MLLT1: variants seen among roughly 807,000 people sequenced by gnomAD.
MLLT1 encodes the protein MLLT1 super elongation complex subunit, also known as protein ENL.
A neutral mutation model predicts 55.1 loss-of-function variants in MLLT1; 11 were observed. The observed-to-expected ratio is 0.20, with a 90% confidence interval of 0.13 to 0.33. MLLT1 has a LOEUF of 0.33. Among genes scored for constraint, MLLT1 ranks in the 10% least tolerant of loss-of-function variants. The pLI, the probability that MLLT1 is intolerant of heterozygous loss-of-function variation, is 1.00. For missense variants in MLLT1, 536 were observed against 760.6 expected (o/e 0.70, Z 3.47); for synonymous variants, 323 against 320.1 (o/e 1.01, Z -0.10).
chr19:6,252,341 AG>A (rs2091223210), intron 3 of MLLT1, among the ~76,000 whole-genome samples: 2 of 152,308 alleles, frequency 1.3e-5, no homozygotes, highest in South Asian at 4.1e-4. Context: ...TCCAGCTTGC[AG>A]GTGGCCTGTC....
chr19:6,218,165 T>TACCCTTGGGA, intron 6 of MLLT1, 124 bp from the exon 7 acceptor site: 1 of 1,388,486 alleles, frequency 7.2e-7, no homozygotes, highest in Non-Finnish European at 9.5e-7. Context: ...ACCCCTAGGG[T>TACCCTTGGGA]CCCAAGGGTA....
rs554857208 is a variant in MLLT1, at chr19:6,228,154, TCCCTGA to T, written c.421-1058_421-1053del. Among the ~76,000 whole-genome samples the T allele has an allele frequency of 3.9e-5, 6 of 152,092 alleles. No homozygotes were observed. In the South Asian group the frequency reaches 1.2e-3, roughly 32 times the overall value. On this transcript the variant is annotated intron_variant, in intron 4 of 11. Coordinates refer to ENST00000252674, the MANE Select transcript of MLLT1 (RefSeq NM_005934.4). ...ACTGACAGCATGTGTGCCCCAGCCG[TCCCTGA>T]AAACACGCCACGGGAGGCCCTCCAC... is the stretch of plus-strand genomic sequence containing the variant.
At chr19:6,277,202 C>G (rs1429786841) in intron 1 of MLLT1, among the ~76,000 whole-genome samples, 1 of 152,230 alleles carries the variant, frequency 6.6e-6, no homozygotes, top group East Asian at 1.9e-4. Context: ...GCCTCCGGCT[C>G]TGTGAGGAAG....
chr19:6,212,952 CG>C lies in MLLT1; in HGVS notation c.*89del, dbSNP rs2090795245. On this transcript the variant is annotated 3_prime_UTR_variant, in exon 12 of 12. Coordinates refer to ENST00000252674, the MANE Select transcript of MLLT1 (RefSeq NM_005934.4). The stretch of plus-strand genomic sequence containing the variant: ...CAGGGCTGTCGCTAAGGCAGTGCTG[CG>C]GGCAGGCGAGACGGGAGAGGAGGGC... The C allele has an allele frequency of 1.3e-6, 2 of 1,506,376 alleles. No individual in the cohort carries two copies. Among genetic ancestry groups the C allele is most frequent in the Admixed American group, 1.8e-5 (1 of 54,180 alleles). 93.3% of individuals were successfully genotyped at this position (1,506,376 alleles called of 1,614,324 possible).
In MLLT1 at chr19:6,235,737, G is replaced by T. The variant is rs1432145821; in HGVS notation, c.277-5024C>A. ...CCACCACAGCCCCCTTTCAGGCACGGTATCTCCATGGGCTCAGGGCTCACC... is the reference window on the plus strand; with the variant it reads ...CCACCACAGCCCCCTTTCAGGCACGTTATCTCCATGGGCTCAGGGCTCACC... On this transcript the variant is annotated intron_variant, in intron 3 of 11. Coordinates refer to ENST00000252674, the MANE Select transcript of MLLT1 (RefSeq NM_005934.4). The surrounding 1 kb of genome is among the most constrained non-coding windows in gnomAD (Gnocchi z 5.5). Among the ~76,000 whole-genome samples the T allele has an allele frequency of 1.3e-5, 2 of 152,134 alleles. No individual in the cohort carries two copies. Among genetic ancestry groups the T allele is most frequent in the Admixed American group, 6.5e-5 (1 of 15,280 alleles).
At position 6,230,582 on chromosome 19, in the gene MLLT1, C is replaced by G. The variant is rs201361639; in HGVS notation, c.408G>C (p.Leu136=). The change falls in exon 4 of 12, where the codon CTG becomes CTC. Residue 136 remains leucine, a synonymous_variant. Coordinates refer to ENST00000252674, the MANE Select transcript of MLLT1 (RefSeq NM_005934.4). This position sits in a 1 kb window ranked among gnomAD's most constrained non-coding sequence, Gnocchi z 9.0. ...GGGGCACACTCACCCCGCCGGCCCGCAGGAGCTTGTACCGGAACTCCGTGG... is the reference window on the plus strand; with the variant it reads ...GGGGCACACTCACCCCGCCGGCCCGGAGGAGCTTGTACCGGAACTCCGTGG... ...NPTTEFRYKL[L]RAGGVMVMPE... The G allele has an allele frequency of 1.2e-6, 2 of 1,613,428 alleles. No individual in the cohort carries two copies. The highest frequency in any genetic ancestry group is 4.5e-5 in the East Asian group (2 of 44,878).
intron 3 of MLLT1, among the ~76,000 whole-genome samples, chr19:6,258,108 G>T (rs561499279): frequency 6.6e-6 from 1 of 152,150 alleles, no homozygotes. Context: ...GAAAATTATT[G>T]TATGAGCCTG....
Position 6,240,186 on chromosome 19 carries a change from C to T in MLLT1, c.277-9473G>A, listed in dbSNP as rs549615302. On this transcript the variant is annotated intron_variant, in intron 3 of 11. Coordinates refer to ENST00000252674, the MANE Select transcript of MLLT1 (RefSeq NM_005934.4). This position sits in a 1 kb window ranked among gnomAD's most constrained non-coding sequence, Gnocchi z 4.7. ...CCAGGCCCCTTCACGCCTGCCTGACCGCTCAGCCTGGGAGGCCAGGGAGAC... is the reference window on the plus strand; with the variant it reads ...CCAGGCCCCTTCACGCCTGCCTGACTGCTCAGCCTGGGAGGCCAGGGAGAC... 6.6e-6 allele frequency among the ~76,000 whole-genome samples: 1 copy of T among 152,226 alleles called. No homozygotes were observed. Among genetic ancestry groups the T allele is most frequent in the South Asian group, 2.1e-4 (1 of 4,832 alleles).
chr19:6,242,955 C>G (rs972628428), intron 3 of MLLT1, among the ~76,000 whole-genome samples: 2 of 152,202 alleles, frequency 1.3e-5, no homozygotes, highest in African/African-American at 4.8e-5. Context: ...GCCAGAAACG[C>G]AGGACTACTT....
At chr19:6,265,040 AAAAAAAAAC>A (rs1568296244) in intron 2 of MLLT1, among the ~76,000 whole-genome samples, 1 of 43,096 alleles carries the variant, frequency 2.3e-5, no homozygotes, top group Non-Finnish European at 6.6e-5. Context: ...GTGAACAGCA[AAAAAAAAAC>A]AAAAAAACAA....
In MLLT1 at chr19:6,234,316, C is replaced by T. The variant is rs534607662; in HGVS notation, c.277-3603G>A. ...GCCCCTGCGGAGGGGGAGCCCTGTC[C>T]GGAGGTGGAGGAGGGTTTTCAGCTC... On this transcript the variant is annotated intron_variant, in intron 3 of 11. Transcript: ENST00000252674. 7.9e-5 allele frequency among the ~76,000 whole-genome samples: 12 copies of T among 152,298 alleles called. No individual in the cohort carries two copies. In the South Asian group the frequency reaches 2.1e-3, roughly 26 times the overall value.
rs1023470019 is a variant in MLLT1, at chr19:6,212,085, C to T, written c.*957G>A. The T allele has an allele frequency of 7.5e-6, 8 of 1,066,208 alleles. No individual in the cohort carries two copies. The African/African-American group carries it at 1.3e-4, about 17-fold the overall frequency. The allele number at this position is 1,066,208 out of a possible 1,614,324, so 66.0% of individuals were successfully genotyped here. A position where few individuals can be genotyped will look rare whatever the true frequency, so the allele number is the denominator to read the frequency against. ...TCATATTTTTTTCAAAGTTTGAAGACTTGAATGAAAGAGAGGAAGAGGAGC... is the reference window on the plus strand; with the variant it reads ...TCATATTTTTTTCAAAGTTTGAAGATTTGAATGAAAGAGAGGAAGAGGAGC... On this transcript the variant is annotated 3_prime_UTR_variant, in exon 12 of 12. Transcript: ENST00000252674.
In MLLT1 at chr19:6,229,621, G is replaced by A. The variant is rs1034042584; in HGVS notation, c.420+949C>T. Among the ~76,000 whole-genome samples the A allele has an allele frequency of 3.3e-5, 5 of 149,666 alleles. No homozygotes were observed. The highest frequency in any genetic ancestry group is 5.0e-5 in the African/African-American group (2 of 40,354). ...TTCCCGCAAGTGACACGACACACAC[G>A]CCATGCACACACCATACATGACACA... On this transcript the variant is annotated intron_variant, in intron 4 of 11. Coordinates refer to ENST00000252674, the MANE Select transcript of MLLT1 (RefSeq NM_005934.4). This position sits in a 1 kb window ranked among gnomAD's most constrained non-coding sequence, Gnocchi z 5.2.
chr19:6,254,212 A>G (rs1286012481), intron 3 of MLLT1, among the ~76,000 whole-genome samples: 2 of 152,190 alleles, frequency 1.3e-5, no homozygotes, highest in East Asian at 1.9e-4. Flanking sequence ...TGCCCACACA[A>G]TGGAGTCTCC....
intron 6 of MLLT1, among the ~76,000 whole-genome samples, chr19:6,221,684 A>C (rs2090898121): frequency 1.3e-5 from 2 of 152,192 alleles, no homozygotes; most frequent in South Asian, 4.1e-4. Context: ...ATTAACCTCC[A>C]GACAAGGGTG....
At chr19:6,248,049 C>A (rs1409498855) in intron 3 of MLLT1, among the ~76,000 whole-genome samples, 2 of 152,176 alleles carry the variant, frequency 1.3e-5, no homozygotes, top group African/African-American at 4.8e-5. Context: ...CGCCACCACG[C>A]CCTGCTAATT....
In MLLT1 at chr19:6,230,214, G is replaced by A. The variant is rs12462141; in HGVS notation, c.420+356C>T. Among the ~76,000 whole-genome samples, 31,585 of 152,176 alleles carry A rather than the reference G, an allele frequency of 0.21. 3,516 individuals carry two copies. Among genetic ancestry groups the A allele is most frequent in the Middle Eastern group, 0.26 (76 of 294 alleles). On this transcript the variant is annotated intron_variant, in intron 4 of 11. Transcript: ENST00000252674. The surrounding 1 kb of genome is among the most constrained non-coding windows in gnomAD (Gnocchi z 9.0). ...AGTCAGAGGTGATGGCGATGCGCAC[G>A]GCAGGGGCCCTGTGCGGAGGCCCTG...
In MLLT1 at chr19:6,230,683, C is replaced by T; in HGVS notation, c.307G>A (p.Asp103Asn). ...TTGCCTTCCAGGTTCAGGAACAGGTCGTAGGTGAAGCAGACCTTCCTCGGC... is the reference window on the plus strand; with the variant it reads ...TTGCCTTCCAGGTTCAGGAACAGGTTGTAGGTGAAGCAGACCTTCCTCGGC... ...EEPRKVCFTY[D>N]LFLNLEGNPP... The change falls in exon 4 of 12, where the codon GAC becomes AAC. Residue 103 changes from aspartate (D) to asparagine (N), a missense_variant. Transcript: ENST00000252674. The surrounding 1 kb of genome is among the most constrained non-coding windows in gnomAD (Gnocchi z 9.0). 6.2e-7 allele frequency: 1 copy of T among 1,614,070 alleles called. No individual in the cohort carries two copies. Among genetic ancestry groups the T allele is most frequent in the Non-Finnish European group, 8.5e-7 (1 of 1,180,022 alleles).
chr19:6,239,922 A>G (rs1231456995), intron 3 of MLLT1, among the ~76,000 whole-genome samples: 1 of 152,178 alleles, frequency 6.6e-6, no homozygotes, highest in Admixed American at 6.5e-5. Flanking sequence ...CTTTGTCATC[A>G]AAAGAAAAAC....
Sources: allele counts gnomAD v4.1 joint callset (sites outside exome capture counted in the v4.1 genomes callset), GRCh38; gene constraint gnomAD v4.1.1; non-coding constraint Gnocchi (gnomAD v3.1); transcripts MANE v1.5; gene names NCBI Gene and HGNC (gene_info 2026-07-23, HGNC 2026-07-21).